ROBO2: variants seen among roughly 807,000 people sequenced by gnomAD.
The protein encoded by ROBO2 is roundabout guidance receptor 2.
Under a neutral mutation model 160.8 loss-of-function variants are expected in ROBO2, and 53 were observed. The ratio of observed to expected loss-of-function variants is 0.33; its 90% confidence interval spans 0.26 to 0.41. The LOEUF is 0.41. ROBO2 is among the 10% of genes least tolerant of loss of function. The pLI, the probability that ROBO2 is intolerant of heterozygous loss-of-function variation, is 1.00. For synonymous variants in ROBO2, 664 were observed against 611.7 expected (o/e 1.09, Z -1.26); for missense variants, 1,577 against 1,722.4 (o/e 0.92, Z 1.49).
intron 2 of ROBO2, among the ~76,000 whole-genome samples, chr3:77,144,359 C>T (rs899256507): frequency 6.6e-6 from 1 of 152,166 alleles, no homozygotes; most frequent in Non-Finnish European, 1.5e-5. Flanking sequence ...ACAGCGGTCC[C>T]ATATTTTTTT....
At chr3:76,129,861 A>G (rs1362752620) in intron 2 of ROBO2, among the ~76,000 whole-genome samples, 1 of 151,970 alleles carries the variant, frequency 6.6e-6, no homozygotes, top group Non-Finnish European at 1.5e-5. Flanking sequence ...GGATATTTTC[A>G]TATCTTATGC....
chr3:76,805,490 C>CATAT (rs149575207), intron 2 of ROBO2, among the ~76,000 whole-genome samples: 1 of 150,436 alleles, frequency 6.6e-6, no homozygotes, highest in African/African-American at 2.4e-5. Flanking sequence ...ATGTTCCCCC[C>CATAT]ATATATATAT....
At chr3:77,123,869 A>C (rs1232281666) in intron 2 of ROBO2, among the ~76,000 whole-genome samples, 3 of 148,642 alleles carry the variant, frequency 2.0e-5, no homozygotes, top group Admixed American at 6.8e-5. Flanking sequence ...ACATAGATAC[A>C]TATATAGATA....
chr3:77,373,436 GTCTA>G (rs371520378), intron 2 of ROBO2, among the ~76,000 whole-genome samples: 10 of 151,692 alleles, frequency 6.6e-5, no homozygotes, highest in African/African-American at 1.7e-4. Flanking sequence ...ATATCTGTCT[GTCTA>G]TCTAATTTGC....
intron 2 of ROBO2, among the ~76,000 whole-genome samples, chr3:76,010,497 C>T (rs562788499): frequency 1.6e-4 from 24 of 152,320 alleles, no homozygotes; most frequent in Non-Finnish European, 7.3e-5. Flanking sequence ...TTCAAACAGC[C>T]TAATTTCCCC....
intron 2 of ROBO2, among the ~76,000 whole-genome samples, chr3:76,524,865 A>AAAAAAAAAATAT: frequency 8.6e-6 from 1 of 116,018 alleles, no homozygotes; most frequent in Non-Finnish European, 1.8e-5. Context: ...AAAAAAAAAA[A>AAAAAAAAAATAT]ATAAGTAAAA....
intron 2 of ROBO2, among the ~76,000 whole-genome samples, chr3:76,409,182 A>G (rs942569962): frequency 6.6e-6 from 1 of 152,086 alleles, no homozygotes; most frequent in Non-Finnish European, 1.5e-5. Flanking sequence ...CTAAAGACTC[A>G]TGGAACTTTA....
In ROBO2 at chr3:76,946,356, T is replaced by TG. The variant is rs1357499439; in HGVS notation, c.110-151658_110-151657insG. On this transcript the variant is annotated intron_variant, in intron 2 of 26. Coordinates refer to the ROBO2 transcript ENST00000487694. ...CACACACGTACTGATTACCACTCAGTTGATTACTTGAAAAGGACCCTGTGT... is the reference window on the plus strand; with the variant it reads ...CACACACGTACTGATTACCACTCAGTGTGATTACTTGAAAAGGACCCTGTGT... Among the ~76,000 whole-genome samples, 586 of 152,304 alleles carry TG rather than the reference T, an allele frequency of 3.8e-3. 3 individuals carry two copies. The highest frequency in any genetic ancestry group is 0.013 in the African/African-American group (554 of 41,552).
intron 2 of ROBO2, among the ~76,000 whole-genome samples, chr3:76,946,856 A>G (rs1459574656): frequency 6.6e-6 from 1 of 152,202 alleles, no homozygotes; most frequent in Non-Finnish European, 1.5e-5. Flanking sequence ...GTAAGCTGCA[A>G]ATTCTCTCCA....
intron 2 of ROBO2, among the ~76,000 whole-genome samples, chr3:76,647,013 A>G (rs2109810142): frequency 6.6e-6 from 1 of 152,256 alleles, no homozygotes; most frequent in African/African-American, 2.4e-5. Context: ...CAGACCTCAG[A>G]AAAGGGCACA....
At chr3:76,109,701 A>G (rs908574809) in intron 2 of ROBO2, among the ~76,000 whole-genome samples, 18 of 151,918 alleles carry the variant, frequency 1.2e-4, no homozygotes, top group Non-Finnish European at 2.4e-4. Context: ...GAGGGTACAT[A>G]CACAGTTTTG....
At chr3:76,788,621 T>G (rs966603046) in intron 2 of ROBO2, among the ~76,000 whole-genome samples, 5 of 151,598 alleles carry the variant, frequency 3.3e-5, no homozygotes, top group Admixed American at 6.6e-5. Flanking sequence ...GGAAAGTTAT[T>G]ACTTTAAATT....
At chr3:77,221,819 A>G (rs781072898) in intron 2 of ROBO2, among the ~76,000 whole-genome samples, 1 of 151,376 alleles carries the variant, frequency 6.6e-6, no homozygotes, top group Non-Finnish European at 1.5e-5. Flanking sequence ...TGATAGCCCA[A>G]TGGACTTTTT....
intron 5 of ROBO2, 127 bp downstream of exon 5, chr3:77,493,509 C>T (rs2086400898): frequency 1.0e-6 from 1 of 985,258 alleles, no homozygotes; most frequent in Non-Finnish European, 1.6e-6. Flanking sequence ...GTGATTTTTA[C>T]ATATGCAAGC....
At chr3:76,251,567 G>T (rs2107554980) in intron 2 of ROBO2, among the ~76,000 whole-genome samples, 1 of 152,182 alleles carries the variant, frequency 6.6e-6, no homozygotes, top group South Asian at 2.1e-4. Flanking sequence ...TATTTTTCAT[G>T]TAAATACTTC....
chr3:77,114,914 A>C (rs189908995), intron 2 of ROBO2, among the ~76,000 whole-genome samples: 1 of 152,156 alleles, frequency 6.6e-6, no homozygotes, highest in Non-Finnish European at 1.5e-5. Context: ...ATATTAAACC[A>C]ACATCACATT....
chr3:76,283,136 G>GTGTGTATATATATATATA (rs1553695787), intron 2 of ROBO2, among the ~76,000 whole-genome samples: 4 of 63,540 alleles, frequency 6.3e-5, no homozygotes, highest in African/African-American at 1.8e-4. Context: ...ATATAAAACT[G>GTGTGTATATATATATATA]TATATATATA....
chr3:77,577,585 C>T, exon 15 of ROBO2: 1 of 1,613,338 alleles, frequency 6.2e-7, no homozygotes, highest in Non-Finnish European at 8.5e-7. Flanking sequence ...TCCTCCAGAT[C>T]ACCAGAATGG....
At chr3:77,402,026 A>G (rs1338751210) in intron 2 of ROBO2, among the ~76,000 whole-genome samples, 1 of 152,184 alleles carries the variant, frequency 6.6e-6, no homozygotes, top group African/African-American at 2.4e-5. Context: ...CTTGCAACCA[A>G]CCCAAATGCC....
Sources: gnomAD v4.1 joint callset for allele counts (sites outside exome capture counted in the v4.1 genomes callset) on GRCh38, gnomAD v4.1.1 for gene constraint, MANE v1.5 for transcripts, NCBI Gene and HGNC (gene_info 2026-07-23, HGNC 2026-07-21) for gene names.